Variants in UBIAD1 observed in about 807,000 individuals in gnomAD.
UBIAD1 encodes UbiA prenyltransferase domain containing 1, also known as ubiA prenyltransferase domain-containing protein 1.
In UBIAD1, 12 loss-of-function variants were observed where a neutral mutation model predicts 20.1. The ratio of observed to expected loss-of-function variants is 0.60; its 90% confidence interval spans 0.38 to 0.97. The LOEUF is 0.97. UBIAD1 is among the 50% of genes least tolerant of loss of function. The pLI is 0.00. For synonymous variants in UBIAD1, 207 were observed against 189.2 expected, an observed-to-expected ratio of 1.09 and a Z score of -0.77; for missense variants, 333 against 419.5, an observed-to-expected ratio of 0.79 and a Z score of 1.80.
downstream of UBIAD1, among the ~76,000 whole-genome samples, chr1:11,288,814 A>G (rs1282040476): frequency 2.6e-5 from 4 of 152,054 alleles, no homozygotes; most frequent in Non-Finnish European, 4.4e-5. Flanking sequence ...CAGGAGGCTG[A>G]GGTGGAAGGA....
At position 11,274,025 on chromosome 1, in the gene UBIAD1, T is replaced by C; in HGVS notation, c.494T>C (p.Phe165Ser). 6.2e-7 allele frequency: 1 copy of C among 1,614,180 alleles called. No individual in the cohort carries two copies. The highest frequency in any genetic ancestry group is 8.5e-7 in the Non-Finnish European group (1 of 1,180,026). ...CTGGAGCACTTGGCTCTTATCTACT[T>C]TGGAGGCCTGTCTGGCTCCTTTCTC... ...LKLEHLALIY[F>S]GGLSGSFLYT... The change falls in exon 1 of 2, where the codon TTT (phenylalanine) becomes TCT (serine). Residue 165 changes from phenylalanine to serine, a missense_variant. Transcript: ENST00000376810.
chr1:11,298,936 G>T (rs1638489880), downstream of UBIAD1, among the ~76,000 whole-genome samples: 1 of 152,236 alleles, frequency 6.6e-6, no homozygotes, highest in Non-Finnish European at 1.5e-5. This position sits in a 1 kb window ranked among gnomAD's most constrained non-coding sequence, Gnocchi z 4.0. Flanking sequence ...GGGGCTGGGT[G>T]GCTGTGCTGA....
downstream of UBIAD1, among the ~76,000 whole-genome samples, chr1:11,296,295 G>A (rs527951908): frequency 7.9e-5 from 12 of 152,212 alleles, no homozygotes; most frequent in African/African-American, 2.2e-4. Flanking sequence ...TTGGGCTTTC[G>A]AGTCTGGCAG....
At position 11,273,556 on chromosome 1, in the gene UBIAD1, GAGA is replaced by G; in HGVS notation, c.29_31del (p.Lys10del). On this transcript the variant is annotated inframe_deletion, in exon 1 of 2. Transcript: ENST00000376810. This position sits in a 1 kb window ranked among gnomAD's most constrained non-coding sequence, Gnocchi z 4.9. ...CATGGCGGCCTCTCAGGTCCTGGGG[GAGA>G]AGATTAACATCCTGTCGGGAGAGAC... 2 of 1,612,976 alleles carry G rather than the reference GAGA, an allele frequency of 1.2e-6. No homozygotes were observed. Among genetic ancestry groups the G allele is most frequent in the Non-Finnish European group, 1.7e-6 (2 of 1,180,040 alleles).
At chr1:11,288,732 A>AC (rs1638313292), downstream of UBIAD1, among the ~76,000 whole-genome samples, 1 of 152,018 alleles carries the variant, frequency 6.6e-6, no homozygotes, top group Admixed American at 6.6e-5. Context: ...ACGTAGTAAG[A>AC]CCCCATCTCT....
At chr1:11,297,099 C>A (rs1638461207), downstream of UBIAD1, among the ~76,000 whole-genome samples, 1 of 152,182 alleles carries the variant, frequency 6.6e-6, no homozygotes, top group Admixed American at 6.5e-5. Context: ...AACAACTATT[C>A]ATTGTGAAAC....
chr1:11,291,866 G>A (rs1481165113), downstream of UBIAD1, among the ~76,000 whole-genome samples: 3 of 152,206 alleles, frequency 2.0e-5, no homozygotes, highest in East Asian at 1.9e-4. Context: ...GGCTGTCTTC[G>A]GGAAGACGGG....
rs1439052464 is a variant in UBIAD1 at position 11,286,447 on chromosome 1, T to C, written c.*316T>C. 1.0e-5 allele frequency: 4 copies of C among 396,594 alleles called. No homozygotes were observed. The highest frequency in any genetic ancestry group is 6.2e-5 in the African/African-American group (3 of 48,508). 24.6% of individuals were successfully genotyped at this position (396,594 alleles called of 1,614,324 possible). ...CAGTGAAGTGGACTTAGTTCCTCCT[T>C]GTTCTGTACAAAATGTCTCCAGACT... is the stretch of plus-strand genomic sequence containing the variant. On this transcript the variant is annotated 3_prime_UTR_variant, in exon 2 of 2. Coordinates refer to ENST00000376810, the MANE Select transcript of UBIAD1 (RefSeq NM_013319.3).
chr1:11,275,229 C>T (rs1400801418), intron 1 of UBIAD1, among the ~76,000 whole-genome samples: 1 of 152,122 alleles, frequency 6.6e-6, no homozygotes, highest in East Asian at 1.9e-4. Flanking sequence ...GTTAGGGTGA[C>T]CAATATCCTG....
rs1405243014 is a variant in UBIAD1, at chr1:11,273,275, C to T, written c.-257C>T. ...CTAAAGAAGGCGGCCGCGGCTCAGC[C>T]GTGGGCTCTAACGCGGGGCTGGGGG... On this transcript the variant is annotated 5_prime_UTR_variant, in exon 1 of 2. Transcript: ENST00000376810. This position sits in a 1 kb window ranked among gnomAD's most constrained non-coding sequence, Gnocchi z 4.9. The T allele has an allele frequency of 4.6e-5, 25 of 545,466 alleles. No homozygotes were observed. Among genetic ancestry groups the T allele is most frequent in the Non-Finnish European group, 7.3e-5 (22 of 303,116 alleles). 33.8% of individuals were successfully genotyped at this position (545,466 alleles called of 1,614,324 possible).
intron 1 of UBIAD1, among the ~76,000 whole-genome samples, chr1:11,294,379 C>T (rs190794668): frequency 6.6e-6 from 1 of 152,268 alleles, no homozygotes; most frequent in East Asian, 1.9e-4. Flanking sequence ...AAACTCCTGG[C>T]CTCAAGCAGT....
At chr1:11,296,710 A>G (rs1638454383), downstream of UBIAD1, among the ~76,000 whole-genome samples, 1 of 152,112 alleles carries the variant, frequency 6.6e-6, no homozygotes, top group South Asian at 2.1e-4. Flanking sequence ...TATAGAGACA[A>G]GATTTCACCA....
chr1:11,286,439 T>G lies in UBIAD1; in HGVS notation c.*308T>G. 2.5e-6 allele frequency: 1 copy of G among 403,424 alleles called. No individual in the cohort carries two copies. Among genetic ancestry groups the G allele is most frequent in the Non-Finnish European group, 4.6e-6 (1 of 216,382 alleles). 25.0% of individuals were successfully genotyped at this position (403,424 alleles called of 1,614,324 possible). A position where few individuals can be genotyped will look rare whatever the true frequency, so the allele number is the denominator to read the frequency against. The stretch of plus-strand genomic sequence containing the variant: ...TCACTTTGCAGTGAAGTGGACTTAG[T>G]TCCTCCTTGTTCTGTACAAAATGTC... On this transcript the variant is annotated 3_prime_UTR_variant, in exon 2 of 2. Transcript: ENST00000376810.
intron 1 of UBIAD1, among the ~76,000 whole-genome samples, chr1:11,277,870 C>T (rs1652104630): frequency 6.6e-6 from 1 of 152,194 alleles, no homozygotes; most frequent in African/African-American, 2.4e-5. Flanking sequence ...TCTCAAACTC[C>T]TGACCTCAGG....
downstream of UBIAD1, among the ~76,000 whole-genome samples, chr1:11,296,386 C>A (rs561285686): frequency 1.3e-5 from 2 of 152,122 alleles, no homozygotes; most frequent in Non-Finnish European, 2.9e-5. Flanking sequence ...TTTGAGCTTC[C>A]GGTGCCTCCT....
At chr1:11,296,294 C>T (rs559317405), downstream of UBIAD1, among the ~76,000 whole-genome samples, 5 of 152,248 alleles carry the variant, frequency 3.3e-5, no homozygotes, top group African/African-American at 7.2e-5. Context: ...TTTGGGCTTT[C>T]GAGTCTGGCA....
chr1:11,283,280 G>A (rs1652304917), intron 1 of UBIAD1, among the ~76,000 whole-genome samples: 1 of 152,200 alleles, frequency 6.6e-6, no homozygotes, highest in African/African-American at 2.4e-5. Context: ...GTCACTTGGG[G>A]AGCTGAGAAA....
intron 1 of UBIAD1, among the ~76,000 whole-genome samples, chr1:11,282,808 C>T (rs1344206248): frequency 6.6e-6 from 1 of 151,458 alleles, no homozygotes; most frequent in African/African-American, 2.4e-5. Context: ...CTCAGTTGAT[C>T]CACCCGCTGT....
intron 1 of UBIAD1, among the ~76,000 whole-genome samples, chr1:11,275,923 G>C (rs1407819188): frequency 6.6e-6 from 1 of 152,194 alleles, no homozygotes; most frequent in Admixed American, 6.5e-5. Flanking sequence ...GAATGAAGGA[G>C]AGAGTAAAGA....
Sources: allele counts gnomAD v4.1 joint callset (sites outside exome capture counted in the v4.1 genomes callset), GRCh38; gene constraint gnomAD v4.1.1; non-coding constraint Gnocchi (gnomAD v3.1); transcripts MANE v1.5; gene names NCBI Gene and HGNC (gene_info 2026-07-23, HGNC 2026-07-21).